The following GMDS variants were observed in gnomAD, a reference collection of about 807,000 sequenced individuals.
GMDS encodes the protein GDP-mannose 4,6-dehydratase, also known as GDP-mannose 4,6 dehydratase.
GMDS carries 20 observed loss-of-function variants against 49.9 expected under a neutral mutation model. The observed-to-expected ratio is 0.40, with a 90% CI of 0.28 to 0.58. The LOEUF is 0.58. Among genes scored for constraint, GMDS ranks in the 20% least tolerant of loss-of-function variants. GMDS has a pLI of 0.42. For synonymous variants in GMDS, 177 were observed against 178.6 expected (o/e 0.99, Z 0.07); for missense variants, 362 against 481.4 (o/e 0.75, Z 2.32).
At chr6:1,837,932 T>C (rs540615580) in intron 7 of GMDS, among the ~76,000 whole-genome samples, 2 of 152,238 alleles carry the variant, frequency 1.3e-5, no homozygotes, top group African/African-American at 4.8e-5. Flanking sequence ...GCCCACAGGC[T>C]CCACTGCCCA....
chr6:1,930,644 C>T (rs139040148), intron 6 of GMDS: 2,062 of 155,688 alleles, frequency 0.013, 90 homozygotes, highest in Admixed American at 0.086. Context: ...TTTAAGAACA[C>T]AAACATCATA....
intron 1 of GMDS, among the ~76,000 whole-genome samples, chr6:2,131,496 T>C (rs563151024): frequency 6.6e-6 from 1 of 152,284 alleles, no homozygotes; most frequent in South Asian, 2.1e-4. Flanking sequence ...AACTCTATGA[T>C]GGTATGAAAA....
At chr6:2,075,020 TATG>T (rs1279272059) in intron 4 of GMDS, among the ~76,000 whole-genome samples, 3 of 152,238 alleles carry the variant, frequency 2.0e-5, no homozygotes, top group African/African-American at 7.2e-5. Context: ...TTTATAGCTA[TATG>T]ATGATATTTT....
chr6:1,988,549 G>T (rs1001242663), intron 4 of GMDS, among the ~76,000 whole-genome samples: 1 of 151,998 alleles, frequency 6.6e-6, no homozygotes, highest in Non-Finnish European at 1.5e-5. Flanking sequence ...CCAACTGCAC[G>T]TTCTTCCCGG....
intron 6 of GMDS, among the ~76,000 whole-genome samples, chr6:1,936,545 G>T (rs952638979): frequency 1.3e-5 from 2 of 152,128 alleles, no homozygotes; most frequent in African/African-American, 4.8e-5. Context: ...ACAAACACCT[G>T]AAGACACCAC....
intron 7 of GMDS, among the ~76,000 whole-genome samples, chr6:1,874,097 C>T (rs185859009): frequency 3.7e-4 from 57 of 152,328 alleles, no homozygotes; most frequent in African/African-American, 1.3e-3. Flanking sequence ...AGGCGTGCCA[C>T]CCCACGGGGA....
intron 7 of GMDS, among the ~76,000 whole-genome samples, chr6:1,912,902 C>T (rs1319397283): frequency 1.3e-5 from 2 of 152,078 alleles, no homozygotes; most frequent in Non-Finnish European, 2.9e-5. Flanking sequence ...TCTGTGTGTA[C>T]CACAAGCCCA....
intron 1 of GMDS, among the ~76,000 whole-genome samples, chr6:2,159,399 A>G (rs1777270374): frequency 6.6e-6 from 1 of 151,522 alleles, no homozygotes; most frequent in Admixed American, 6.6e-5. Context: ...TTAACGTTTT[A>G]TGATAGATTT....
intron 7 of GMDS, among the ~76,000 whole-genome samples, chr6:1,919,398 C>A (rs1213845589): frequency 6.6e-6 from 1 of 152,196 alleles, no homozygotes; most frequent in Non-Finnish European, 1.5e-5. Context: ...TCTTTGAGAA[C>A]TCTACTAATA....
intron 1 of GMDS, among the ~76,000 whole-genome samples, chr6:2,127,541 C>T (rs1427546620): frequency 6.6e-6 from 1 of 152,242 alleles, no homozygotes; most frequent in Admixed American, 6.5e-5. Context: ...TCTTCTCACC[C>T]AGGCTGCTTC....
At chr6:1,748,477 T>C (rs1424613898) in intron 7 of GMDS, among the ~76,000 whole-genome samples, 1 of 152,240 alleles carries the variant, frequency 6.6e-6, no homozygotes, top group African/African-American at 2.4e-5. Flanking sequence ...ATTTATTTTA[T>C]ATTTTGTTGG....
chr6:1,679,700 G>A (rs1427688571), intron 9 of GMDS: 3 of 152,214 alleles, frequency 2.0e-5, no homozygotes, highest in Non-Finnish European at 4.4e-5. Flanking sequence ...CAGTGTATAC[G>A]ATATTTTGAT....
chr6:1,633,928 G>A lies in GMDS; in HGVS notation c.988-9388C>T, dbSNP rs1763070344. On this transcript the variant is annotated intron_variant, in intron 9 of 10. Transcript: ENST00000380815. The stretch of plus-strand genomic sequence containing the variant: ...GCAGGCTGTGGCTGGAGGTTGGAAA[G>A]CTGGCTACCTCAACCTGATGGAGCT... 2.0e-5 allele frequency among the ~76,000 whole-genome samples: 3 copies of A among 152,240 alleles called. No individual in the cohort carries two copies. In the South Asian group the frequency reaches 6.2e-4, roughly 31 times the overall value.
Position 1,833,104 on chromosome 6 carries a change from CG to C in GMDS, c.772-90519del, listed in dbSNP as rs1756744963. On this transcript the variant is annotated intron_variant, in intron 7 of 10. Transcript: ENST00000380815. The surrounding 1 kb of genome is among the most constrained non-coding windows in gnomAD (Gnocchi z 4.4). ...CCGCTGGACCTGTGCCCAGCTCACC[CG>C]GCAGTGGAGCGTATGAAAGCCTTTT... 6.6e-6 allele frequency among the ~76,000 whole-genome samples: 1 copy of C among 151,176 alleles called. No homozygotes were observed. Among genetic ancestry groups the C allele is most frequent in the Non-Finnish European group, 1.5e-5 (1 of 67,960 alleles).
intron 8 of GMDS, among the ~76,000 whole-genome samples, chr6:1,731,201 T>A (rs1287235205): frequency 6.6e-6 from 1 of 151,994 alleles, no homozygotes; most frequent in African/African-American, 2.4e-5. Context: ...AGCAAAAAGG[T>A]GTAGACATGA....
intron 4 of GMDS, among the ~76,000 whole-genome samples, chr6:1,971,572 G>A (rs1406928351): frequency 2.6e-5 from 4 of 152,070 alleles, no homozygotes; most frequent in African/African-American, 4.8e-5. Flanking sequence ...TAGACTAAGG[G>A]CTCTCACAGG....
chr6:1,722,485 A>C (rs1383335395), intron 9 of GMDS, among the ~76,000 whole-genome samples: 2 of 98,074 alleles, frequency 2.0e-5, no homozygotes, highest in Non-Finnish European at 5.2e-5. Context: ...AGTGTTTGAT[A>C]AATACTTAGT....
At chr6:2,120,638 A>C (rs1417359635) in intron 2 of GMDS, among the ~76,000 whole-genome samples, 1 of 152,178 alleles carries the variant, frequency 6.6e-6, no homozygotes, top group African/African-American at 2.4e-5. Flanking sequence ...CATTGTCTTT[A>C]CTTCTCTGGT....
intron 4 of GMDS, among the ~76,000 whole-genome samples, chr6:2,098,019 AAAACT>A (rs1221485890): frequency 7.9e-5 from 12 of 152,054 alleles, no homozygotes; most frequent in Non-Finnish European, 1.6e-4. Flanking sequence ...GAAAAAAAAA[AAAACT>A]AAACTGGGAC....
Sources: allele counts gnomAD v4.1 joint callset (sites outside exome capture counted in the v4.1 genomes callset), GRCh38; gene constraint gnomAD v4.1.1; non-coding constraint Gnocchi (gnomAD v3.1); transcripts MANE v1.5; gene names NCBI Gene and HGNC (gene_info 2026-07-23, HGNC 2026-07-21).